CCSER1: variants seen among roughly 807,000 people sequenced by gnomAD.
The protein encoded by CCSER1 is serine-rich coiled-coil domain-containing protein 1.
In CCSER1, 41 loss-of-function variants were observed where a neutral mutation model predicts 82.0. That is an observed-to-expected ratio of 0.50 (90% CI 0.39 to 0.65). CCSER1 has a LOEUF of 0.65. CCSER1 is among the 30% of genes least tolerant of loss of function. The pLI, the probability that CCSER1 is intolerant of heterozygous loss-of-function variation, is 0.00. For missense variants in CCSER1, 1,119 were observed against 1,064.2 expected (o/e 1.05, Z -0.72); for synonymous variants, 414 against 383.9 (o/e 1.08, Z -0.92).
chr4:91,073,397 T>C (rs1452347376), intron 9 of CCSER1, among the ~76,000 whole-genome samples: 1 of 152,136 alleles, frequency 6.6e-6, no homozygotes, highest in Non-Finnish European at 1.5e-5. Context: ...ACTGGATTTA[T>C]GTGTAAGAAT....
intron 6 of CCSER1, among the ~76,000 whole-genome samples, chr4:90,687,086 T>C (rs1210497465): frequency 1.3e-5 from 2 of 152,218 alleles, no homozygotes; most frequent in Non-Finnish European, 1.5e-5. Flanking sequence ...TAAGATAAGA[T>C]ATTTACAATG....
chr4:91,108,538 C>G (rs950804081), intron 10 of CCSER1, among the ~76,000 whole-genome samples: 4 of 152,284 alleles, frequency 2.6e-5, no homozygotes, highest in Admixed American at 2.6e-4. Context: ...TTCTCCTATG[C>G]TTTATATAAA....
At chr4:90,808,540 G>C (rs1757818189) in intron 7 of CCSER1, among the ~76,000 whole-genome samples, 1 of 151,100 alleles carries the variant, frequency 6.6e-6, no homozygotes, top group Admixed American at 6.6e-5. Flanking sequence ...AAATCAGCAA[G>C]AAAAAAAATA....
chr4:91,245,789 C>A (rs1454558997), intron 10 of CCSER1, among the ~76,000 whole-genome samples: 1 of 152,148 alleles, frequency 6.6e-6, no homozygotes, highest in African/African-American at 2.4e-5. Flanking sequence ...CTCTGCCTCC[C>A]AGGTTCAAAC....
chr4:90,292,919 A>G (rs927004885), intron 1 of CCSER1, among the ~76,000 whole-genome samples: 2 of 151,970 alleles, frequency 1.3e-5, no homozygotes, highest in African/African-American at 4.8e-5. Flanking sequence ...TTAATTTACT[A>G]TCCTAACATG....
At chr4:90,854,725 C>CT (rs146873811) in intron 8 of CCSER1, among the ~76,000 whole-genome samples, 14,911 of 149,866 alleles carry the variant, frequency 0.099, 771 homozygotes, top group Admixed American at 0.15. Context: ...GTACTCAGAA[C>CT]TTTTTTTTTT....
intron 10 of CCSER1, among the ~76,000 whole-genome samples, chr4:91,094,780 G>A (rs572189800): frequency 5.9e-5 from 9 of 152,132 alleles, no homozygotes; most frequent in Non-Finnish European, 7.4e-5. Flanking sequence ...GACCTGGCTC[G>A]GTTAGAAAAA....
At chr4:90,189,985 T>C (rs973405871) in intron 1 of CCSER1, among the ~76,000 whole-genome samples, 1 of 152,026 alleles carries the variant, frequency 6.6e-6, no homozygotes, top group Non-Finnish European at 1.5e-5. Context: ...AGAATTAATA[T>C]CTACTTGCAT....
chr4:91,583,401 T>C (rs1763828148), intron 10 of CCSER1, among the ~76,000 whole-genome samples: 1 of 151,454 alleles, frequency 6.6e-6, no homozygotes, highest in South Asian at 2.1e-4. Flanking sequence ...AAATTGCATC[T>C]ATCTCCTTAT....
At chr4:90,584,990 G>T (rs1781829015) in intron 5 of CCSER1, among the ~76,000 whole-genome samples, 3 of 152,072 alleles carry the variant, frequency 2.0e-5, no homozygotes. Context: ...CTTGCAATGG[G>T]CTTGTATCCC....
At chr4:90,618,499 T>G (rs1721719868) in intron 5 of CCSER1, among the ~76,000 whole-genome samples, 1 of 151,920 alleles carries the variant, frequency 6.6e-6, no homozygotes, top group African/African-American at 2.4e-5. Flanking sequence ...CTATAAAAAT[T>G]TTGCATACTA....
chr4:90,324,119 G>T (rs865807338), intron 3 of CCSER1, among the ~76,000 whole-genome samples: 11 of 152,000 alleles, frequency 7.2e-5, no homozygotes, highest in Non-Finnish European at 1.5e-4. Context: ...GAATAGTGCC[G>T]CAATAAACAT....
intron 9 of CCSER1, among the ~76,000 whole-genome samples, chr4:90,933,239 G>A (rs1730464600): frequency 6.6e-6 from 1 of 151,072 alleles, no homozygotes; most frequent in South Asian, 2.1e-4. Context: ...CGAGGCTGGA[G>A]TGCGGAGGCG....
intron 6 of CCSER1, among the ~76,000 whole-genome samples, chr4:90,660,064 C>T (rs1376772268): frequency 1.3e-5 from 2 of 151,460 alleles, no homozygotes; most frequent in Admixed American, 1.3e-4. Flanking sequence ...AAGGGGAACA[C>T]TTATACACTG....
At chr4:90,661,311 G>A (rs1012178569) in intron 6 of CCSER1, among the ~76,000 whole-genome samples, 7 of 152,038 alleles carry the variant, frequency 4.6e-5, no homozygotes, top group African/African-American at 1.4e-4. Flanking sequence ...ACCTTTATTC[G>A]TTATCATAAG....
intron 10 of CCSER1, among the ~76,000 whole-genome samples, chr4:91,159,265 A>G (rs918852880): frequency 1.3e-5 from 2 of 152,068 alleles, no homozygotes; most frequent in Middle Eastern, 3.4e-3. Flanking sequence ...CAAAATCTCA[A>G]CCATTGTTAA....
intron 10 of CCSER1, among the ~76,000 whole-genome samples, chr4:91,172,516 C>T (rs969171271): frequency 6.6e-6 from 1 of 152,142 alleles, no homozygotes; most frequent in Non-Finnish European, 1.5e-5. Flanking sequence ...GGCTCTGGCT[C>T]GCTCTCCAAG....
chr4:90,793,020 G>C (rs752779010), intron 7 of CCSER1, among the ~76,000 whole-genome samples: 2 of 152,110 alleles, frequency 1.3e-5, no homozygotes, highest in East Asian at 3.8e-4. Flanking sequence ...ACTGGGTCAA[G>C]GCAGCATTTA....
rs1052043264 is a variant in CCSER1 at position 91,438,335 on chromosome 4, G to A, written c.2218-160237G>A. ...GCATTCGCGGTTCATGAAAATCTGC[G>A]GTTCTGCAGCCACCACTGCTGTCAC... On this transcript the variant is annotated intron_variant, in intron 10 of 10. Coordinates refer to ENST00000509176, the MANE Select transcript of CCSER1 (RefSeq NM_001145065.2). Among the ~76,000 whole-genome samples, 10 of 152,244 alleles carry A rather than the reference G, an allele frequency of 6.6e-5. No individual in the cohort carries two copies. The South Asian group carries it at 8.3e-4, about 13-fold the overall frequency.
Sources: allele counts gnomAD v4.1 joint callset (sites outside exome capture counted in the v4.1 genomes callset), GRCh38; gene constraint gnomAD v4.1.1; transcripts MANE v1.5; gene names NCBI Gene and HGNC (gene_info 2026-07-23, HGNC 2026-07-21).